SGCZ: variants seen among roughly 807,000 people sequenced by gnomAD.
SGCZ encodes sarcoglycan zeta.
Under a neutral mutation model 41.3 loss-of-function variants are expected in SGCZ, and 40 were observed. The observed-to-expected ratio is 0.97, with a 90% CI of 0.75 to 1.26. The LOEUF (loss-of-function observed/expected upper bound fraction) is 1.26. Ranked by LOEUF, SGCZ falls within the 50% of genes most tolerant of loss-of-function variation. The probability of loss-of-function intolerance (pLI) is 0.00; values close to 1 mark genes in which losing one functional copy is unlikely to be tolerated. For missense variants in SGCZ, 552 were observed against 369.8 expected (o/e 1.49, Z -4.04); for synonymous variants, 206 against 137.5 (o/e 1.50, Z -3.49).
chr8:15,175,485 T>C (rs1319960293), intron 1 of SGCZ, among the ~76,000 whole-genome samples: 2 of 152,066 alleles, frequency 1.3e-5, no homozygotes, highest in Non-Finnish European at 2.9e-5. Context: ...AGCTAAATGA[T>C]GAGAACACAT....
chr8:14,953,010 T>TATTAG (rs1420803082), intron 1 of SGCZ, among the ~76,000 whole-genome samples: 1 of 152,126 alleles, frequency 6.6e-6, no homozygotes, highest in African/African-American at 2.4e-5. Flanking sequence ...GTTGGCCATC[T>TATTAG]AACTTCTTGA....
At chr8:14,483,867 C>T (rs1443249717) in intron 2 of SGCZ, among the ~76,000 whole-genome samples, 1 of 152,054 alleles carries the variant, frequency 6.6e-6, no homozygotes, top group Non-Finnish European at 1.5e-5. Flanking sequence ...ATTATACAAG[C>T]AATCTTTTAA....
rs549388406 is a variant in SGCZ, at chr8:14,333,819, A to G, written c.235-9615T>C. Among the ~76,000 whole-genome samples the G allele has an allele frequency of 1.0e-3, 157 of 152,286 alleles. 1 individual carries two copies. Among genetic ancestry groups the G allele is most frequent in the Non-Finnish European group, 1.3e-3 (88 of 67,988 alleles). The stretch of plus-strand genomic sequence containing the variant: ...ATTTTACCAACTCTGAAGAAAGACC[A>G]TTTAAAATGGAGTTATATTTTTTAG... On this transcript the variant is annotated intron_variant, in intron 2 of 7. Transcript: ENST00000382080.
At chr8:15,046,695 G>C (rs369501168) in intron 1 of SGCZ, among the ~76,000 whole-genome samples, 3 of 151,932 alleles carry the variant, frequency 2.0e-5, no homozygotes, top group East Asian at 1.9e-4. Context: ...TACTGATGTG[G>C]CATTGCTTCT....
At chr8:14,309,198 T>A in intron 3 of SGCZ, 3 of 1,486,296 alleles carry the variant, frequency 2.0e-6, no homozygotes, top group Non-Finnish European at 2.8e-6. Context: ...GCAAACCTGC[T>A]GCGGCTGATC....
chr8:14,763,796 A>C (rs1191264111), intron 1 of SGCZ, among the ~76,000 whole-genome samples: 2 of 152,196 alleles, frequency 1.3e-5, no homozygotes, highest in African/African-American at 4.8e-5. Flanking sequence ...TCTGCAAAGA[A>C]GTCTTCAACT....
chr8:14,748,621 T>A (rs1216715293), intron 1 of SGCZ, among the ~76,000 whole-genome samples: 1 of 152,150 alleles, frequency 6.6e-6, no homozygotes, highest in Non-Finnish European at 1.5e-5. Flanking sequence ...CAAAACAGAT[T>A]TTTGGAAAAA....
At chr8:14,657,264 A>G (rs1465181239) in intron 1 of SGCZ, among the ~76,000 whole-genome samples, 1 of 152,068 alleles carries the variant, frequency 6.6e-6, no homozygotes, top group East Asian at 1.9e-4. Flanking sequence ...CCTCATGAAC[A>G]GGAAGGCAAG....
At chr8:14,767,473 A>G (rs1321414373) in intron 1 of SGCZ, among the ~76,000 whole-genome samples, 2 of 152,144 alleles carry the variant, frequency 1.3e-5, no homozygotes, top group Non-Finnish European at 2.9e-5. Flanking sequence ...ATTTTACTCT[A>G]GCATTTTGGG....
At chr8:14,703,257 C>T (rs1355799124) in intron 1 of SGCZ, among the ~76,000 whole-genome samples, 5 of 151,784 alleles carry the variant, frequency 3.3e-5, no homozygotes, top group Admixed American at 6.6e-5. Flanking sequence ...CATCTCTTAC[C>T]GTCAACCCCT....
chr8:14,399,337 C>A (rs76795656), intron 2 of SGCZ, among the ~76,000 whole-genome samples: 1 of 152,034 alleles, frequency 6.6e-6, no homozygotes, highest in Admixed American at 6.6e-5. Flanking sequence ...TTTCATCTTA[C>A]CAGTAGAATC....
In SGCZ at chr8:15,215,108, T is replaced by C. The variant is rs527524713; in HGVS notation, c.39+22477A>G. On this transcript the variant is annotated intron_variant, in intron 1 of 7. Coordinates refer to ENST00000382080, the MANE Select transcript of SGCZ (RefSeq NM_139167.4). ...TTTAAGTAATGATCATGTAGATTACTGAATATGTAAAACAGTACAAGAAAT... is the reference window on the plus strand; with the variant it reads ...TTTAAGTAATGATCATGTAGATTACCGAATATGTAAAACAGTACAAGAAAT... Among the ~76,000 whole-genome samples, 17 of 152,326 alleles carry C rather than the reference T, an allele frequency of 1.1e-4. No individual in the cohort carries two copies. The East Asian group carries it at 2.9e-3, about 26-fold the overall frequency.
At chr8:14,518,092 C>T (rs891507373) in intron 2 of SGCZ, among the ~76,000 whole-genome samples, 5 of 151,730 alleles carry the variant, frequency 3.3e-5, no homozygotes, top group African/African-American at 1.2e-4. Context: ...GCATAGTCTA[C>T]AGATAGCAAT....
intron 3 of SGCZ, among the ~76,000 whole-genome samples, chr8:14,249,071 G>A (rs986905753): frequency 1.3e-5 from 2 of 152,158 alleles, no homozygotes; most frequent in South Asian, 4.1e-4. Flanking sequence ...ATTATTTTGA[G>A]TAGGTCTGTG....
At chr8:14,117,100 G>T (rs569452593) in intron 5 of SGCZ, among the ~76,000 whole-genome samples, 1 of 152,032 alleles carries the variant, frequency 6.6e-6, no homozygotes, top group South Asian at 2.1e-4. Context: ...AAAGATGGTC[G>T]TCCTATGACC....
chr8:14,107,856 A>G (rs1383460896), intron 6 of SGCZ, among the ~76,000 whole-genome samples: 1 of 151,914 alleles, frequency 6.6e-6, no homozygotes, highest in Non-Finnish European at 1.5e-5. Context: ...CTATGTTGCC[A>G]GGTCTTGAAC....
At chr8:14,398,924 T>A (rs939625513) in intron 2 of SGCZ, among the ~76,000 whole-genome samples, 2 of 152,112 alleles carry the variant, frequency 1.3e-5, no homozygotes, top group African/African-American at 2.4e-5. Context: ...GGGGCTTGCA[T>A]TCTTCCGTTA....
At chr8:14,957,736 T>C (rs1350961954) in intron 1 of SGCZ, among the ~76,000 whole-genome samples, 10 of 152,088 alleles carry the variant, frequency 6.6e-5, no homozygotes, top group Non-Finnish European at 1.2e-4. Flanking sequence ...CAATGTTACG[T>C]ATTGTGAATA....
At chr8:14,604,300 G>A (rs957952984) in intron 1 of SGCZ, among the ~76,000 whole-genome samples, 2 of 152,084 alleles carry the variant, frequency 1.3e-5, no homozygotes, top group Admixed American at 1.3e-4. Flanking sequence ...TGCCTGGAGA[G>A]TTCTTTCTTT....
Sources: allele counts gnomAD v4.1 joint callset (sites outside exome capture counted in the v4.1 genomes callset), GRCh38; gene constraint gnomAD v4.1.1; transcripts MANE v1.5; gene names NCBI Gene and HGNC (gene_info 2026-07-23, HGNC 2026-07-21).